NTN1: variants seen among roughly 807,000 people sequenced by gnomAD.
NTN1 encodes the protein netrin 1.
In NTN1, 11 loss-of-function variants were observed where a neutral mutation model predicts 54.2. That is an observed-to-expected ratio of 0.20 (90% CI 0.13 to 0.34). NTN1 has a LOEUF of 0.34. Ranked by LOEUF, NTN1 falls within the 10% of genes least tolerant of loss-of-function variation. NTN1 has a pLI of 1.00. For missense variants in NTN1, 740 were observed against 893.1 expected, an observed-to-expected ratio of 0.83 and a Z score of 2.18; for synonymous variants, 371 against 382.0, an observed-to-expected ratio of 0.97 and a Z score of 0.33.
Position 9,150,663 on chromosome 17 carries a change from T to C in NTN1, c.1019-12150T>C, listed in dbSNP as rs2092324706. Among the ~76,000 whole-genome samples the C allele has an allele frequency of 5.3e-5, 8 of 152,082 alleles. No homozygotes were observed. The South Asian group carries it at 1.7e-3, about 31-fold the overall frequency. On this transcript the variant is annotated intron_variant, in intron 2 of 6. Coordinates refer to ENST00000173229, the MANE Select transcript of NTN1 (RefSeq NM_004822.3). ...AAGGATGTTTGTGCAGCAGGAACCCTGAGTGATTCTTTTGCAGCAAGGGCC... is the reference window on the plus strand; with the variant it reads ...AAGGATGTTTGTGCAGCAGGAACCCCGAGTGATTCTTTTGCAGCAAGGGCC...
At chr17:9,139,274 C>T (rs1470395207) in intron 2 of NTN1, among the ~76,000 whole-genome samples, 3 of 152,132 alleles carry the variant, frequency 2.0e-5, no homozygotes, top group Non-Finnish European at 4.4e-5. Context: ...GCCTGTTGAC[C>T]CGCTGTGGAG....
intron 6 of NTN1, among the ~76,000 whole-genome samples, chr17:9,235,553 GTGAT>G (rs1905957068): frequency 6.6e-6 from 1 of 152,162 alleles, no homozygotes; most frequent in Non-Finnish European, 1.5e-5. Context: ...CTTAGATTGG[GTGAT>G]TGATAAACAA....
chr17:9,165,637 G>T lies in NTN1; in HGVS notation c.1207+2636G>T, dbSNP rs2092371169. Among the ~76,000 whole-genome samples, 1 of 152,196 alleles carries T rather than the reference G, an allele frequency of 6.6e-6. No homozygotes were observed. The highest frequency in any genetic ancestry group is 2.4e-5 in the African/African-American group (1 of 41,442). ...AGGCAAATTCTACTGAAGAAATGTG[G>T]CAGGAAAGGGTGGGACTCTTAGTGC... On this transcript the variant is annotated intron_variant, in intron 3 of 6. Coordinates refer to ENST00000173229, the MANE Select transcript of NTN1 (RefSeq NM_004822.3). This position sits in a 1 kb window ranked among gnomAD's most constrained non-coding sequence, Gnocchi z 4.5.
chr17:9,041,586 G>A (rs2091921718), intron 2 of NTN1, among the ~76,000 whole-genome samples: 1 of 152,112 alleles, frequency 6.6e-6, no homozygotes, highest in Non-Finnish European at 1.5e-5. Flanking sequence ...TCAGTTGATG[G>A]ACATTTGAGT....
chr17:9,213,312 G>C (rs1396101037), intron 5 of NTN1, among the ~76,000 whole-genome samples: 1 of 152,234 alleles, frequency 6.6e-6, no homozygotes, highest in Non-Finnish European at 1.5e-5. Flanking sequence ...AGTAGAGTGA[G>C]ATAGAAGGGC....
intron 2 of NTN1, among the ~76,000 whole-genome samples, chr17:9,146,925 G>A (rs76534157): frequency 0.016 from 2,458 of 152,096 alleles, 32 homozygotes; most frequent in Non-Finnish European, 0.026. Context: ...CCCCGGCATC[G>A]GTGTTGAGAT....
chr17:9,172,953 A>G (rs984559295), intron 3 of NTN1: 4 of 151,394 alleles, frequency 2.6e-5, no homozygotes, highest in African/African-American at 7.3e-5. Flanking sequence ...ATACAAACCC[A>G]TAAGACTACA....
intron 2 of NTN1, among the ~76,000 whole-genome samples, chr17:9,035,619 C>G (rs1447579171): frequency 6.6e-6 from 1 of 152,118 alleles, no homozygotes; most frequent in Non-Finnish European, 1.5e-5. Flanking sequence ...TCTCTGTCAC[C>G]CAGCCTCCTG....
At chr17:9,077,002 G>A (rs927023447) in intron 2 of NTN1, among the ~76,000 whole-genome samples, 1 of 152,166 alleles carries the variant, frequency 6.6e-6, no homozygotes, top group African/African-American at 2.4e-5. Flanking sequence ...TCTCCTTCCT[G>A]GAAATGTTTC....
intron 2 of NTN1, among the ~76,000 whole-genome samples, chr17:9,032,477 A>G (rs949180272): frequency 6.6e-6 from 1 of 152,172 alleles, no homozygotes; most frequent in Non-Finnish European, 1.5e-5. Context: ...GGCTTCTCCC[A>G]CGTGAAGGTC....
chr17:9,189,408 G>C (rs942375204), intron 5 of NTN1, among the ~76,000 whole-genome samples: 40 of 152,216 alleles, frequency 2.6e-4, no homozygotes, highest in African/African-American at 8.4e-4. Flanking sequence ...CTGTAGTGCA[G>C]TGGCACAATC....
the NTN1 span, among the ~76,000 whole-genome samples, chr17:9,013,175 C>G: frequency 6.6e-6 from 1 of 151,646 alleles, no homozygotes; most frequent in Non-Finnish European, 1.5e-5. Flanking sequence ...ATGCCAATAC[C>G]ACCTCTACAG....
At chr17:9,045,028 G>A (rs1460107511) in intron 2 of NTN1, among the ~76,000 whole-genome samples, 1 of 152,218 alleles carries the variant, frequency 6.6e-6, no homozygotes, top group Non-Finnish European at 1.5e-5. Context: ...GTACACAGGG[G>A]AAGTTGGCCT....
chr17:9,023,178 C>G lies in NTN1; in HGVS notation c.805C>G (p.Arg269Gly). ...DENEDDSELARDSYFYAVSDL... is the reference protein window; with the variant it reads ...DENEDDSELAGDSYFYAVSDL... ...GAACGAGGACGACTCGGAGCTGGCG[C>G]GCGACTCGTACTTCTACGCGGTGTC... Residue 269 changes from arginine to glycine, a missense_variant, in exon 2 of 7, where the codon CGC becomes GGC. Arg to Gly is a moderately radical substitution (Grantham distance 125). Transcript: ENST00000173229. 1 of 1,562,490 alleles carries G rather than the reference C, an allele frequency of 6.4e-7. No individual in the cohort carries two copies. Among genetic ancestry groups the G allele is most frequent in the Non-Finnish European group, 8.7e-7 (1 of 1,151,208 alleles).
chr17:9,024,659 C>A (rs1246215560), intron 2 of NTN1, among the ~76,000 whole-genome samples: 1 of 152,244 alleles, frequency 6.6e-6, no homozygotes, highest in African/African-American at 2.4e-5. Context: ...GAAAACATGT[C>A]TTGGAGGGCC....
At chr17:9,084,496 G>A (rs1447670326) in intron 2 of NTN1, among the ~76,000 whole-genome samples, 2 of 152,158 alleles carry the variant, frequency 1.3e-5, no homozygotes, top group Admixed American at 1.3e-4. Context: ...AAGTGTGGGT[G>A]ACTCGTTGCA....
Position 9,240,992 on chromosome 17 carries a change from A to G in NTN1, c.*1024A>G, listed in dbSNP as rs1037487042. ...CAGTGACACTATTTATGTAAATGAC[A>G]TCAGCTCCCGCAAGGCCCCTCAGCA... On this transcript the variant is annotated 3_prime_UTR_variant, in exon 7 of 7. Transcript: ENST00000173229. The G allele has an allele frequency of 1.3e-5, 2 of 152,254 alleles. No homozygotes were observed. Among genetic ancestry groups the G allele is most frequent in the Non-Finnish European group, 2.9e-5 (2 of 68,062 alleles). 9.4% of individuals were successfully genotyped at this position (152,254 alleles called of 1,614,324 possible).
intron 2 of NTN1, 32 bp downstream of exon 2, chr17:9,023,423 G>C (rs1455667702): frequency 1.5e-6 from 2 of 1,345,078 alleles, no homozygotes; most frequent in East Asian, 3.0e-5. Flanking sequence ...AGCCGGCGGC[G>C]GGTGGGGCCG....
At chr17:9,224,360 TGGG>T (rs1156777232) in intron 6 of NTN1, among the ~76,000 whole-genome samples, 1 of 151,772 alleles carries the variant, frequency 6.6e-6, no homozygotes, top group African/African-American at 2.4e-5. Context: ...CCCTGGGCAA[TGGG>T]GGGCATCTCT....
Sources: gnomAD v4.1 joint callset for allele counts (sites outside exome capture counted in the v4.1 genomes callset) on GRCh38, gnomAD v4.1.1 for gene constraint, Gnocchi (gnomAD v3.1) non-coding constraint, MANE v1.5 for transcripts, NCBI Gene and HGNC (gene_info 2026-07-23, HGNC 2026-07-21) for gene names.